ARHGEF28: variants seen among roughly 807,000 people sequenced by gnomAD.
ARHGEF28 encodes Rho guanine nucleotide exchange factor 28, also known as 190 kDa guanine nucleotide exchange factor.
ARHGEF28 carries 152 observed loss-of-function variants against 206.6 expected under a neutral mutation model. That is an observed-to-expected ratio of 0.74 (90% confidence interval 0.64 to 0.84). The LOEUF (loss-of-function observed/expected upper bound fraction) is 0.84, where lower values mean the gene tolerates loss of function less well. Among genes scored for constraint, ARHGEF28 ranks in the 40% least tolerant of loss-of-function variants. The pLI, the probability that ARHGEF28 is intolerant of heterozygous loss-of-function variation, is 0.00. For synonymous variants in ARHGEF28, 763 were observed against 776.4 expected, an observed-to-expected ratio of 0.98 and a Z score of 0.29; for missense variants, 2,028 against 2,073.2, an observed-to-expected ratio of 0.98 and a Z score of 0.42.
chr5:73,884,951 C>G (rs1452564718), intron 24 of ARHGEF28, among the ~76,000 whole-genome samples: 1 of 152,068 alleles, frequency 6.6e-6, no homozygotes, highest in Non-Finnish European at 1.5e-5. Context: ...AAAATATTTT[C>G]TTTTCCCATC....
intron 34 of ARHGEF28, among the ~76,000 whole-genome samples, chr5:73,910,368 T>A (rs1400647957): frequency 7.5e-4 from 13 of 17,416 alleles, no homozygotes; most frequent in South Asian, 1.5e-3. Context: ...GTGACAAAAG[T>A]AAAACACCAT....
intron 1 of ARHGEF28, among the ~76,000 whole-genome samples, chr5:73,635,993 T>C (rs1239422808): frequency 2.0e-5 from 3 of 152,214 alleles, no homozygotes; most frequent in Admixed American, 6.5e-5. Flanking sequence ...TATTGTTTCT[T>C]CTCCCATTTG....
At chr5:73,919,638 G>A (rs926626262) in intron 35 of ARHGEF28, among the ~76,000 whole-genome samples, 3 of 152,164 alleles carry the variant, frequency 2.0e-5, no homozygotes, top group East Asian at 1.9e-4. Flanking sequence ...TTTGGTTTCT[G>A]GAGTGGGCTC....
chr5:73,934,719 T>C (rs774759996), intron 35 of ARHGEF28, among the ~76,000 whole-genome samples: 32 of 152,228 alleles, frequency 2.1e-4, no homozygotes, highest in Non-Finnish European at 4.3e-4. Context: ...GGATGCTGCA[T>C]ACTGGTTTTT....
At chr5:73,722,657 G>A (rs1202841440) in intron 2 of ARHGEF28, among the ~76,000 whole-genome samples, 2 of 152,136 alleles carry the variant, frequency 1.3e-5, no homozygotes, top group African/African-American at 2.4e-5. Flanking sequence ...TTCAAAGTAC[G>A]ACTCCTATGA....
intron 6 of ARHGEF28, chr5:73,780,342 G>A: frequency 3.5e-6 from 1 of 289,730 alleles, no homozygotes; most frequent in South Asian, 4.1e-5. Context: ...AGATGCACAG[G>A]CCAGAAGCCC....
At chr5:73,810,321 C>G (rs1755768719) in intron 9 of ARHGEF28, among the ~76,000 whole-genome samples, 1 of 152,116 alleles carries the variant, frequency 6.6e-6, no homozygotes, top group South Asian at 2.1e-4. Flanking sequence ...TTAGGTCGTT[C>G]AATACTGTTT....
rs1486104484 is a variant in ARHGEF28 at position 73,941,100 on chromosome 5, T to C, written c.*87T>C. Reference sequence around the variant, plus strand: ...TCCATTCCTTATGTATGTGTGATTGTCTGTGTCCAAATTGCTTTAAGAATA... The same window carrying C: ...TCCATTCCTTATGTATGTGTGATTGCCTGTGTCCAAATTGCTTTAAGAATA... On this transcript the variant is annotated 3_prime_UTR_variant, in exon 36 of 36. Coordinates refer to ENST00000513042, the MANE Select transcript of ARHGEF28 (RefSeq NM_001177693.2). The C allele has an allele frequency of 1.6e-6, 2 of 1,238,438 alleles. No individual in the cohort carries two copies. The highest frequency in any genetic ancestry group is 3.0e-5 in the East Asian group (1 of 33,738). 76.7% of individuals were successfully genotyped at this position (1,238,438 alleles called of 1,614,324 possible). A position where few individuals can be genotyped will look rare whatever the true frequency, so the allele number is the denominator to read the frequency against.
Position 73,909,696 on chromosome 5 carries a change from G to A in ARHGEF28, c.4446G>A (p.Gln1482=), listed in dbSNP as rs1762768600. The stretch of plus-strand genomic sequence containing the variant: ...AGCGGGAGCGGGAGTGCCAGTCGCA[G>A]GAGGAGCTGCTGCTGCGGAGCCGGG... ...LQERERECQS[Q]EELLLRSRGE... is the part of the protein sequence containing the mutation. The change falls in exon 34 of 36, where the codon CAG becomes CAA. Residue 1482 remains glutamine (Q), a synonymous_variant. Transcript: ENST00000513042. 5 of 1,534,280 alleles carry A rather than the reference G, an allele frequency of 3.3e-6. No homozygotes were observed. The highest frequency in any genetic ancestry group is 4.4e-6 in the Non-Finnish European group (5 of 1,139,160).
chr5:73,909,359 C>A (rs1348438105), intron 33 of ARHGEF28, 53 bp from the exon 34 acceptor site: 1 of 1,531,392 alleles, frequency 6.5e-7, no homozygotes, highest in African/African-American at 1.4e-5. Flanking sequence ...AAAGGGTAAA[C>A]AATAACCATG....
In ARHGEF28 at chr5:73,858,229, C is replaced by T. The variant is rs113522430; in HGVS notation, c.2047+10C>T. ...TCACTGCAGTGTTCTAGTAAGTTCTCAGGTCTATGTGCGCTGTCTTTGTTT... is the reference window on the plus strand; with the variant it reads ...TCACTGCAGTGTTCTAGTAAGTTCTTAGGTCTATGTGCGCTGTCTTTGTTT... On this transcript the variant is annotated intron_variant, in intron 16 of 35. Coordinates refer to ENST00000513042, the MANE Select transcript of ARHGEF28 (RefSeq NM_001177693.2). 19 of 1,572,534 alleles carry T rather than the reference C, an allele frequency of 1.2e-5. No individual in the cohort carries two copies. In the East Asian group the frequency reaches 4.1e-4, roughly 34 times the overall value.
intron 22 of ARHGEF28, among the ~76,000 whole-genome samples, chr5:73,874,521 A>C (rs957527817): frequency 2.0e-5 from 3 of 147,504 alleles, no homozygotes; most frequent in African/African-American, 7.5e-5. Flanking sequence ...TTAACTCGTC[A>C]TTTAGCATTA....
At chr5:73,921,411 C>T (rs965276190) in intron 35 of ARHGEF28, among the ~76,000 whole-genome samples, 5 of 152,158 alleles carry the variant, frequency 3.3e-5, no homozygotes, top group Non-Finnish European at 7.3e-5. Flanking sequence ...GTTAATTTGC[C>T]ACGATAAATC....
At chr5:73,658,821 T>G (rs1745396422) in intron 1 of ARHGEF28, among the ~76,000 whole-genome samples, 1 of 152,194 alleles carries the variant, frequency 6.6e-6, no homozygotes, top group South Asian at 2.1e-4. Flanking sequence ...GCTAGGCACA[T>G]TCCACATCTG....
At chr5:73,917,513 C>G (rs538392261) in intron 35 of ARHGEF28, among the ~76,000 whole-genome samples, 83 of 152,324 alleles carry the variant, frequency 5.4e-4, no homozygotes, top group African/African-American at 2.0e-3. Context: ...TGCTTACTGC[C>G]AACTTCCTGA....
At chr5:73,806,830 C>T (rs1487474455) in intron 9 of ARHGEF28, among the ~76,000 whole-genome samples, 3 of 130,164 alleles carry the variant, frequency 2.3e-5, no homozygotes, top group Non-Finnish European at 4.9e-5. Context: ...TACGATATAT[C>T]GTATATATGG....
rs1762761683 is a variant in ARHGEF28 at position 73,909,624 on chromosome 5, T to G, written c.4374T>G (p.Cys1458Trp). The part of the protein sequence containing the change: ...QQEQRRWLRR[C>W]EQQQRAQATR... ...AGCAGCGGCGCTGGCTGCGCAGGTG[T>G]GAGCAGCAGCAGCGGGCGCAGGCGA... The change falls in exon 34 of 36, where the codon TGT becomes TGG. Residue 1458 changes from cysteine to tryptophan, a missense_variant. Cys to Trp is a radical substitution (Grantham distance 215). Coordinates refer to ENST00000513042, the MANE Select transcript of ARHGEF28 (RefSeq NM_001177693.2). 3 of 1,551,286 alleles carry G rather than the reference T, an allele frequency of 1.9e-6. No individual in the cohort carries two copies. Among genetic ancestry groups the G allele is most frequent in the Non-Finnish European group, 2.6e-6 (3 of 1,147,536 alleles).
At chr5:73,669,693 T>C (rs1746188858) in intron 1 of ARHGEF28, among the ~76,000 whole-genome samples, 1 of 152,008 alleles carries the variant, frequency 6.6e-6, no homozygotes, top group South Asian at 2.1e-4. Context: ...TTACTTTATT[T>C]ATTTATTTAT....
chr5:73,715,581 A>G (rs1749536896), intron 2 of ARHGEF28, among the ~76,000 whole-genome samples: 1 of 152,204 alleles, frequency 6.6e-6, no homozygotes, highest in Non-Finnish European at 1.5e-5. Context: ...TGTCTACAAT[A>G]CCTTAAAGTT....
Sources: allele counts gnomAD v4.1 joint callset (sites outside exome capture counted in the v4.1 genomes callset), GRCh38; gene constraint gnomAD v4.1.1; transcripts MANE v1.5; gene names NCBI Gene and HGNC (gene_info 2026-07-23, HGNC 2026-07-21).